The following SAR1B variants were observed in gnomAD, a reference collection of about 807,000 sequenced individuals.
SAR1B encodes small COPII coat GTPase SAR1B.
Under a neutral mutation model 26.8 loss-of-function variants are expected in SAR1B, and 23 were observed. The ratio of observed to expected loss-of-function variants is 0.86; its 90% CI spans 0.62 to 1.22. The LOEUF (loss-of-function observed/expected upper bound fraction) is 1.22, where lower values mean the gene tolerates loss of function less well. Among genes scored for constraint, SAR1B ranks in the 50% most tolerant of loss-of-function variants. SAR1B has a pLI of 0.00. For missense variants in SAR1B, 196 were observed against 232.8 expected (o/e 0.84, Z 1.03); for synonymous variants, 65 against 80.8 (o/e 0.80, Z 1.05).
At chr5:134,623,081 C>T (rs1394792118) in intron 2 of SAR1B, among the ~76,000 whole-genome samples, 1 of 145,602 alleles carries the variant, frequency 6.9e-6, no homozygotes, top group African/African-American at 2.5e-5. Context: ...GAGATCGCAC[C>T]ACTGCGCTCC....
chr5:134,614,169 G>T (rs1012531849), intron 3 of SAR1B: 1 of 152,112 alleles, frequency 6.6e-6, no homozygotes, highest in Non-Finnish European at 1.5e-5. Context: ...AGAAAAAAAA[G>T]AAATTTTCAT....
chr5:134,628,566 T>C (rs1765539059), intron 1 of SAR1B, among the ~76,000 whole-genome samples: 1 of 151,898 alleles, frequency 6.6e-6, no homozygotes, highest in African/African-American at 2.4e-5. Flanking sequence ...CTGTAATCCC[T>C]GCAGTTTGGG....
chr5:134,616,127 C>T (rs968219365), intron 3 of SAR1B, among the ~76,000 whole-genome samples: 2 of 118,984 alleles, frequency 1.7e-5, no homozygotes, highest in Non-Finnish European at 3.4e-5. Flanking sequence ...GAGACTCCAT[C>T]TCGGAAAAAA....
At chr5:134,607,620 A>G (rs894016562) in intron 6 of SAR1B, among the ~76,000 whole-genome samples, 3 of 152,028 alleles carry the variant, frequency 2.0e-5, no homozygotes, top group African/African-American at 7.2e-5. Flanking sequence ...CAAAAATACA[A>G]AATTAGCTGG....
chr5:134,623,916 A>G (rs747270213), intron 2 of SAR1B, 46 bp downstream of exon 2: 12 of 1,311,662 alleles, frequency 9.1e-6, no homozygotes, highest in Admixed American at 1.7e-5. Context: ...TATTAAATAA[A>G]TAAGACCAAA....
chr5:134,620,726 G>A (rs1424033759), intron 3 of SAR1B, among the ~76,000 whole-genome samples: 1 of 152,178 alleles, frequency 6.6e-6, no homozygotes, highest in Non-Finnish European at 1.5e-5. Flanking sequence ...TGGGCATGGT[G>A]GCACATGCCT....
chr5:134,609,711 G>C (rs1765183148), intron 4 of SAR1B, 37 bp from the exon 5 acceptor site: 1 of 1,542,234 alleles, frequency 6.5e-7, no homozygotes, highest in Non-Finnish European at 9.0e-7. Flanking sequence ...TTTACTTGTT[G>C]GTCAAACCCA....
Position 134,620,928 on chromosome 5 carries a change from C to T in SAR1B, c.178+5G>A, listed in dbSNP as rs1378780401. The T allele has an allele frequency of 1.2e-6, 2 of 1,613,650 alleles. No homozygotes were observed. Among genetic ancestry groups the T allele is most frequent in the Admixed American group, 3.3e-5 (2 of 59,984 alleles). On this transcript the variant is annotated splice_donor_5th_base_variant and intron_variant, in intron 3 of 6. Coordinates refer to ENST00000402673, the MANE Select transcript of SAR1B (RefSeq NM_016103.4). Reference sequence around the variant, plus strand: ...GTATCACATTGTATGTAGGAATATACTTACTGGGATGTAATGTTGGGACAT... The same window carrying T: ...GTATCACATTGTATGTAGGAATATATTTACTGGGATGTAATGTTGGGACAT...
chr5:134,608,579 A>T, intron 5 of SAR1B, 76 bp from the exon 6 acceptor site: 1 of 1,469,868 alleles, frequency 6.8e-7, no homozygotes, highest in East Asian at 2.3e-5. Context: ...ATGATAAAAC[A>T]ATAAAGGACT....
chr5:134,612,308 T>C (rs1187569346), intron 4 of SAR1B, among the ~76,000 whole-genome samples: 1 of 152,184 alleles, frequency 6.6e-6, no homozygotes, highest in African/African-American at 2.4e-5. Context: ...GCTTTTAAAG[T>C]ATTTATCGGG....
intron 4 of SAR1B, among the ~76,000 whole-genome samples, chr5:134,611,984 G>A (rs561106937): frequency 6.6e-6 from 1 of 152,268 alleles, no homozygotes; most frequent in South Asian, 2.1e-4. Context: ...GCAACATAGT[G>A]AGTGAGACCC....
intron 5 of SAR1B, chr5:134,608,898 C>CAAGTAGTAAT: frequency 2.8e-6 from 1 of 360,330 alleles, no homozygotes; most frequent in East Asian, 7.3e-5. Flanking sequence ...AGAATTAAAT[C>CAAGTAGTAAT]AAGTAATACG....
rs1282372463 is a variant in SAR1B, at chr5:134,602,723, C to T, written c.*4227G>A. On this transcript the variant is annotated 3_prime_UTR_variant, in exon 7 of 7. Transcript: ENST00000402673. The stretch of plus-strand genomic sequence containing the variant: ...TGAAACCCTGTCTCTACTAAAAATA[C>T]AAAAATTAACTGGGCATGGTGTGGT... 6.6e-6 allele frequency: 1 copy of T among 151,894 alleles called. No homozygotes were observed. The highest frequency in any genetic ancestry group is 1.5e-5 in the Non-Finnish European group (1 of 67,990). The allele number at this position is 151,894 out of a possible 1,614,324, so 9.4% of individuals were successfully genotyped here.
At position 134,605,222 on chromosome 5, in the gene SAR1B, G is replaced by T. The variant is rs1765106844; in HGVS notation, c.*1728C>A. The T allele has an allele frequency of 6.6e-6, 1 of 152,062 alleles. No individual in the cohort carries two copies. Among genetic ancestry groups the T allele is most frequent in the Non-Finnish European group, 1.5e-5 (1 of 68,024 alleles). 9.4% of individuals were successfully genotyped at this position (152,062 alleles called of 1,614,324 possible). A position where few individuals can be genotyped will look rare whatever the true frequency, so the allele number is the denominator to read the frequency against. Reference sequence around the variant, plus strand: ...GACTGTAACTCTGACATGGACAATGGCTACAGAAAACACTAATTTTTGATA... The same window carrying T: ...GACTGTAACTCTGACATGGACAATGTCTACAGAAAACACTAATTTTTGATA... On this transcript the variant is annotated 3_prime_UTR_variant, in exon 7 of 7. Coordinates refer to ENST00000402673, the MANE Select transcript of SAR1B (RefSeq NM_016103.4).
intron 3 of SAR1B, among the ~76,000 whole-genome samples, chr5:134,620,209 G>A (rs1290364957): frequency 7.2e-5 from 11 of 151,988 alleles, no homozygotes; most frequent in African/African-American, 2.4e-4. Flanking sequence ...GGGAGGCTGA[G>A]GCAGGAGAAT....
In SAR1B at chr5:134,602,973, A is replaced by G. The variant is rs1278646087; in HGVS notation, c.*3977T>C. On this transcript the variant is annotated 3_prime_UTR_variant, in exon 7 of 7. Transcript: ENST00000402673. ...TGTTTTTCTAAACTCTTATATTTATAGCAAAGCCTCTGGCTTTTAATGTAG... is the reference window on the plus strand; with the variant it reads ...TGTTTTTCTAAACTCTTATATTTATGGCAAAGCCTCTGGCTTTTAATGTAG... 1.3e-5 allele frequency: 2 copies of G among 152,362 alleles called. No homozygotes were observed. Among genetic ancestry groups the G allele is most frequent in the South Asian group, 4.1e-4 (2 of 4,832 alleles). The allele number at this position is 152,362 out of a possible 1,614,324, so 9.4% of individuals were successfully genotyped here.
At chr5:134,632,600 A>C (rs1765627795) in intron 1 of SAR1B, 128 bp downstream of exon 1, 1 of 152,440 alleles carries the variant, frequency 6.6e-6, no homozygotes. Flanking sequence ...CGGGGTGAAA[A>C]ACAGGCGCCC....
chr5:134,618,136 T>A (rs569024652), intron 3 of SAR1B: 13 of 152,136 alleles, frequency 8.5e-5, no homozygotes, highest in African/African-American at 2.7e-4. Flanking sequence ...GCTAACACAG[T>A]GAAACCCTGT....
At chr5:134,607,295 C>T (rs182848190) in intron 6 of SAR1B, among the ~76,000 whole-genome samples, 105 of 152,188 alleles carry the variant, frequency 6.9e-4, no homozygotes, top group African/African-American at 2.5e-3. Context: ...GGTTAGCTTG[C>T]AAGATACCCA....
Sources: allele counts gnomAD v4.1 joint callset (sites outside exome capture counted in the v4.1 genomes callset), GRCh38; gene constraint gnomAD v4.1.1; transcripts MANE v1.5; gene names NCBI Gene and HGNC (gene_info 2026-07-23, HGNC 2026-07-21).